HTR2C: variants seen among roughly 807,000 people sequenced by gnomAD.
HTR2C encodes the protein 5-hydroxytryptamine receptor 2C, also known as 5-hydroxytryptamine (serotonin) receptor 2C, G protein-coupled.
Under a neutral mutation model 21.0 loss-of-function variants are expected in HTR2C, and 5 were observed. The ratio of observed to expected loss-of-function variants is 0.24; its 90% CI spans 0.12 to 0.50. The LOEUF (loss-of-function observed/expected upper bound fraction) is 0.50. Among genes scored for constraint, HTR2C ranks in the 20% least tolerant of loss-of-function variants. The probability of loss-of-function intolerance (pLI) is 0.98; values close to 1 mark genes in which losing one functional copy is unlikely to be tolerated. For missense variants in HTR2C, 271 were observed against 371.2 expected (o/e 0.73, Z 2.22); for synonymous variants, 150 against 145.3 (o/e 1.03, Z -0.23).
chrX:114,731,270 G>GT (rs371148134), intron 3 of HTR2C, 24 bp from the exon 4 acceptor site: 62,531 of 660,932 alleles, frequency 0.095, 4 homozygotes, highest in Non-Finnish European at 0.1. Context: ...GTACCTGATT[G>GT]TTTTTTTTTT....
chrX:114,627,857 A>G (rs1929442408), intron 2 of HTR2C, among the ~76,000 whole-genome samples: 1 of 112,150 alleles, frequency 8.9e-6, no homozygotes, highest in South Asian at 3.7e-4. Flanking sequence ...TGCATTGACC[A>G]TGATAGAGTA....
At chrX:114,883,638 T>A (rs1469095979) in intron 5 of HTR2C, among the ~76,000 whole-genome samples, 1 of 109,978 alleles carries the variant, frequency 9.1e-6, no homozygotes, top group Non-Finnish European at 1.9e-5. Flanking sequence ...CTAAAAGTAT[T>A]TTCTCTTGTT....
intron 2 of HTR2C, among the ~76,000 whole-genome samples, chrX:114,626,399 A>AG (rs1929381163): frequency 0.016 from 47 of 2,993 alleles, no homozygotes; most frequent in African/African-American, 0.016. Flanking sequence ...AAAAAAAAAA[A>AG]AAGAAAAAAA....
intron 4 of HTR2C, among the ~76,000 whole-genome samples, chrX:114,736,103 ACT>A (rs1167646649): frequency 6.6e-4 from 71 of 108,377 alleles, no homozygotes; most frequent in African/African-American, 2.2e-3. Flanking sequence ...GCAGAGCGAG[ACT>A]CTATTTCAAA....
intron 5 of HTR2C, among the ~76,000 whole-genome samples, chrX:114,866,363 T>TTA (rs202048736): frequency 2.6e-3 from 281 of 108,172 alleles, no homozygotes; most frequent in South Asian, 7.0e-3. Context: ...TAAGGTTTAA[T>TTA]TATATATATA....
At chrX:114,776,661 G>A (rs1225452917) in intron 4 of HTR2C, 1 of 497,141 alleles carries the variant, frequency 2.0e-6, no homozygotes, top group African/African-American at 2.3e-5. Flanking sequence ...ACATAGCTTG[G>A]AGTGGTTCAG....
chrX:114,887,882 C>T (rs1412948910), intron 5 of HTR2C, among the ~76,000 whole-genome samples: 7 of 110,284 alleles, frequency 6.3e-5, no homozygotes, highest in African/African-American at 9.9e-5. Context: ...GGTGTACTGG[C>T]GGGCGCCAGT....
Position 114,747,037 on chromosome X carries a change from G to A in HTR2C, c.349+15430G>A, listed in dbSNP as rs922795179. ...GAAAAAAAGAAAATTAGCCAGGCAT[G>A]GTGGTGAGTGCCTGTAACCCCATCT... On this transcript the variant is annotated intron_variant, in intron 4 of 5. Coordinates refer to ENST00000276198, the MANE Select transcript of HTR2C (RefSeq NM_000868.4). Among the ~76,000 whole-genome samples the A allele has an allele frequency of 4.5e-5, 5 of 111,305 alleles. No individual in the cohort carries two copies. The Admixed American group carries it at 4.8e-4, about 11-fold the overall frequency.
chrX:114,589,324 T>C, intron 1 of HTR2C, among the ~76,000 whole-genome samples: 1 of 111,647 alleles, frequency 9.0e-6, no homozygotes, highest in Middle Eastern at 4.6e-3. Flanking sequence ...GACAAGAAGC[T>C]GAGTGAAGCT....
At chrX:114,714,142 C>T (rs970580404) in intron 2 of HTR2C, among the ~76,000 whole-genome samples, 3 of 111,608 alleles carry the variant, frequency 2.7e-5, no homozygotes, top group Non-Finnish European at 1.9e-5. Context: ...TCTGATATAA[C>T]GTTTGTAGAA....
intron 2 of HTR2C, among the ~76,000 whole-genome samples, chrX:114,688,889 A>G (rs1428980203): frequency 1.8e-5 from 2 of 109,673 alleles, no homozygotes; most frequent in Non-Finnish European, 3.8e-5. Flanking sequence ...AGTTACATAG[A>G]TAAGTTCTTT....
chrX:114,679,530 C>T (rs1204707448), intron 2 of HTR2C, among the ~76,000 whole-genome samples: 2 of 110,907 alleles, frequency 1.8e-5, no homozygotes, highest in East Asian at 2.8e-4. Flanking sequence ...CTGCCCGTCT[C>T]GGCCTCCCAA....
chrX:114,613,006 G>A lies in HTR2C; in HGVS notation c.-146-809G>A, dbSNP rs1034122635. On this transcript the variant is annotated intron_variant, in intron 1 of 5. Coordinates refer to ENST00000276198, the MANE Select transcript of HTR2C (RefSeq NM_000868.4). ...AGGCTGGAGTGCAGCGGCCGATCTC[G>A]GCTCACTGCAACTTCCGCCTCCCGG... Among the ~76,000 whole-genome samples the A allele has an allele frequency of 8.2e-5, 9 of 109,131 alleles. No individual in the cohort carries two copies. In the East Asian group the frequency reaches 2.6e-3, roughly 32 times the overall value. 94.8% of individuals were successfully genotyped at this position (109,131 alleles called of 115,157 possible). A position where few individuals can be genotyped will look rare whatever the true frequency, so the allele number is the denominator to read the frequency against.
chrX:114,804,666 G>C (rs2070384426), intron 4 of HTR2C, among the ~76,000 whole-genome samples: 1 of 111,671 alleles, frequency 9.0e-6, no homozygotes, highest in Non-Finnish European at 1.9e-5. Context: ...TAAGTGGCAA[G>C]TAAGCTAGTC....
At chrX:114,674,090 G>C (rs1931472530) in intron 2 of HTR2C, among the ~76,000 whole-genome samples, 1 of 112,181 alleles carries the variant, frequency 8.9e-6, no homozygotes, top group African/African-American at 3.2e-5. Context: ...AGGCAATGCA[G>C]GGGCACCTTT....
chrX:114,710,990 T>G (rs1210180534), intron 2 of HTR2C, among the ~76,000 whole-genome samples: 2 of 111,608 alleles, frequency 1.8e-5, no homozygotes, highest in African/African-American at 6.5e-5. Context: ...TTAGAAAAAT[T>G]TCTGGCTTTC....
Position 114,721,838 on chromosome X carries a change from C to T in HTR2C, c.-79-5020C>T, listed in dbSNP as rs1416376384. 6.5e-5 allele frequency among the ~76,000 whole-genome samples: 7 copies of T among 108,389 alleles called. 1 individual carries two copies. In the Middle Eastern group the frequency reaches 0.019, roughly 291 times the overall value. 94.1% of individuals were successfully genotyped at this position (108,389 alleles called of 115,157 possible). The stretch of plus-strand genomic sequence containing the variant: ...AGATCAGATAGTTGTAGGTATGCGG[C>T]GTTATTTCTGAGGGCTCTGTTCTGT... On this transcript the variant is annotated intron_variant, in intron 2 of 5. Transcript: ENST00000276198.
chrX:114,848,315 G>C (rs80341667), intron 5 of HTR2C, 112 bp downstream of exon 5: 1 of 460,656 alleles, frequency 2.2e-6, no homozygotes, highest in Non-Finnish European at 3.6e-6. Flanking sequence ...GTTTGATCGG[G>C]TTCTTTTATT....
chrX:114,634,681 C>T (rs1556404943), intron 2 of HTR2C, among the ~76,000 whole-genome samples: 1 of 110,735 alleles, frequency 9.0e-6, no homozygotes. Context: ...CACGGTGGCA[C>T]ATGCCTGTTG....
Sources: gnomAD v4.1 joint callset for allele counts (sites outside exome capture counted in the v4.1 genomes callset) on GRCh38, gnomAD v4.1.1 for gene constraint, MANE v1.5 for transcripts, NCBI Gene and HGNC (gene_info 2026-07-23, HGNC 2026-07-21) for gene names.